ERICH1: variants seen among roughly 807,000 people sequenced by gnomAD.
The protein encoded by ERICH1 is glutamate-rich protein 1.
A neutral mutation model predicts 39.6 loss-of-function variants in ERICH1; 56 were observed. The ratio of observed to expected loss-of-function variants is 1.41; its 90% CI spans 1.14 to 1.77. ERICH1 has a LOEUF of 1.77. ERICH1 is among the 40% of genes most tolerant of loss of function. ERICH1 has a pLI of 0.00. For missense variants in ERICH1, 826 were observed against 575.4 expected, an observed-to-expected ratio of 1.44 and a Z score of -4.45; for synonymous variants, 313 against 223.6, an observed-to-expected ratio of 1.40 and a Z score of -3.57.
intron 3 of ERICH1, among the ~76,000 whole-genome samples, chr8:688,784 G>A (rs930465181): frequency 6.6e-6 from 1 of 152,164 alleles, no homozygotes; most frequent in African/African-American, 2.4e-5. Context: ...GAGCTTCCTG[G>A]TGGCAAAAGC....
chr8:629,808 T>C (rs866640669), intron 3 of ERICH1, among the ~76,000 whole-genome samples: 932 of 90,284 alleles, frequency 0.01, 4 homozygotes, highest in African/African-American at 0.015. Context: ...CACACCCTCC[T>C]GTGAGCACCC....
intron 3 of ERICH1, among the ~76,000 whole-genome samples, chr8:691,359 GT>G (rs1319491917): frequency 1.3e-5 from 2 of 152,238 alleles, no homozygotes; most frequent in African/African-American, 4.8e-5. Flanking sequence ...GACACAGCCT[GT>G]CTGGGAAGCA....
intron 3 of ERICH1, among the ~76,000 whole-genome samples, chr8:636,409 C>T (rs1255495811): frequency 6.6e-6 from 1 of 152,230 alleles, no homozygotes; most frequent in East Asian, 1.9e-4. Context: ...TTCATCGTTC[C>T]TCCCTCATAG....
chr8:618,741 C>T lies in ERICH1; in HGVS notation c.977-3457G>A, dbSNP rs140628255. Among the ~76,000 whole-genome samples, 309 of 152,236 alleles carry T rather than the reference C, an allele frequency of 2.0e-3. 1 individual carries two copies. Among genetic ancestry groups the T allele is most frequent in the Non-Finnish European group, 3.5e-3 (236 of 68,030 alleles). On this transcript the variant is annotated intron_variant, in intron 3 of 3. Transcript: ENST00000522706. ...ACTAACTATTAAAATTGTGCTTAAA[C>T]CTGGTGTCGTGGACTACCCTGCTAT...
intron 3 of ERICH1, among the ~76,000 whole-genome samples, chr8:683,868 A>T (rs1806715199): frequency 6.6e-6 from 1 of 152,226 alleles, no homozygotes; most frequent in Admixed American, 6.5e-5. Flanking sequence ...AATACACATT[A>T]TTTCATAATC....
At chr8:685,456 C>A (rs979769494) in intron 3 of ERICH1, among the ~76,000 whole-genome samples, 1 of 152,200 alleles carries the variant, frequency 6.6e-6, no homozygotes, top group African/African-American at 2.4e-5. Context: ...AGGCAACATA[C>A]ATTCTCAGTT....
intron 3 of ERICH1, among the ~76,000 whole-genome samples, chr8:631,989 C>T (rs1023759013): frequency 6.6e-6 from 1 of 152,178 alleles, no homozygotes; most frequent in Non-Finnish European, 1.5e-5. Flanking sequence ...CTGGGTCAGA[C>T]ATCCTATGCT....
At chr8:726,681 G>A (rs1031371581) in intron 1 of ERICH1, among the ~76,000 whole-genome samples, 3 of 141,174 alleles carry the variant, frequency 2.1e-5, no homozygotes, top group Non-Finnish European at 4.4e-5. Context: ...GTGTACACAG[G>A]CACATCATAC....
chr8:688,083 A>T (rs1050171869), intron 3 of ERICH1, among the ~76,000 whole-genome samples: 1 of 152,210 alleles, frequency 6.6e-6, no homozygotes, highest in African/African-American at 2.4e-5. Context: ...CAGGCACCCA[A>T]TGCAGTTCCC....
chr8:668,023 C>G (rs575671380), intron 5 of ERICH1: 2 of 174,848 alleles, frequency 1.1e-5, no homozygotes, highest in Middle Eastern at 5.4e-3. Flanking sequence ...CAGTGGTGTG[C>G]AGGTGAATGG....
At chr8:616,289 T>A (rs1796893488) in intron 3 of ERICH1, 1 of 301,964 alleles carries the variant, frequency 3.3e-6, no homozygotes, top group South Asian at 2.8e-5. Context: ...TTTTCACATT[T>A]GTGTGGCAGG....
chr8:724,407 C>G (rs996798931), intron 1 of ERICH1, among the ~76,000 whole-genome samples: 2 of 152,200 alleles, frequency 1.3e-5, no homozygotes, highest in African/African-American at 2.4e-5. Context: ...TATCACGAAG[C>G]GTTCACAAAC....
intron 1 of ERICH1, among the ~76,000 whole-genome samples, chr8:729,462 A>C (rs898566198): frequency 6.6e-6 from 1 of 152,182 alleles, no homozygotes; most frequent in Non-Finnish European, 1.5e-5. Flanking sequence ...AAGAAGACAC[A>C]CACTCCAGTT....
chr8:715,821 T>C (rs1384972609), intron 2 of ERICH1, 40 bp downstream of exon 2: 1 of 1,579,238 alleles, frequency 6.3e-7, no homozygotes, highest in Non-Finnish European at 8.6e-7. Flanking sequence ...GAGGTTAACT[T>C]CAGTTTCTGA....
At chr8:727,415 G>A (rs1160834698) in intron 1 of ERICH1, among the ~76,000 whole-genome samples, 4 of 152,190 alleles carry the variant, frequency 2.6e-5, no homozygotes, top group African/African-American at 4.8e-5. Flanking sequence ...GGAGAAACCA[G>A]AAGATGACAG....
downstream of ERICH1, among the ~76,000 whole-genome samples, chr8:664,049 G>A (rs548614644): frequency 8.5e-5 from 13 of 152,196 alleles, no homozygotes; most frequent in African/African-American, 2.9e-4. Flanking sequence ...GTGAGCCACC[G>A]CACCCGGCCT....
In ERICH1 at chr8:668,967, C is replaced by T. The variant is rs1802735889; in HGVS notation, c.1064-175G>A. On this transcript the variant is annotated intron_variant, in intron 4 of 5. Coordinates refer to ENST00000262109, the MANE Select transcript of ERICH1 (RefSeq NM_207332.3). ...TCAGAACAGAGCTCAGCACAAAATACCACTGCATGAACGACTGTGGAAACC... is the reference window on the plus strand; with the variant it reads ...TCAGAACAGAGCTCAGCACAAAATATCACTGCATGAACGACTGTGGAAACC... 6.2e-6 allele frequency: 4 copies of T among 643,800 alleles called. No homozygotes were observed. In the Admixed American group the frequency reaches 1.2e-4, roughly 20 times the overall value. The allele number at this position is 643,800 out of a possible 1,614,324, so 39.9% of individuals were successfully genotyped here.
chr8:730,927 G>T (rs1342791250), intron 1 of ERICH1, among the ~76,000 whole-genome samples: 2 of 152,156 alleles, frequency 1.3e-5, no homozygotes, highest in Non-Finnish European at 2.9e-5. Flanking sequence ...GGCCCGACCA[G>T]CAGCCATGCA....
At chr8:700,163 G>A (rs1408153830) in intron 2 of ERICH1, among the ~76,000 whole-genome samples, 5 of 79,390 alleles carry the variant, frequency 6.3e-5, no homozygotes, top group African/African-American at 2.2e-4. Context: ...ACCCGCACAC[G>A]CGCACAGGCC....
Sources: allele counts gnomAD v4.1 joint callset (sites outside exome capture counted in the v4.1 genomes callset), GRCh38; gene constraint gnomAD v4.1.1; transcripts MANE v1.5; gene names NCBI Gene and HGNC (gene_info 2026-07-23, HGNC 2026-07-21).